The following MBD6 variants were observed in gnomAD, a reference collection of about 807,000 sequenced individuals.
The protein encoded by MBD6 is methyl-CpG binding domain protein 6.
MBD6 carries 22 observed loss-of-function variants against 66.8 expected under a neutral mutation model. The observed-to-expected ratio is 0.33, with a 90% CI of 0.24 to 0.47. The LOEUF is 0.47. Among genes scored for constraint, MBD6 ranks in the 20% least tolerant of loss-of-function variants. The pLI, the probability that MBD6 is intolerant of heterozygous loss-of-function variation, is 1.00. For missense variants in MBD6, 1,322 were observed against 1,286.9 expected (o/e 1.03, Z -0.42); for synonymous variants, 540 against 534.6 (o/e 1.01, Z -0.14).
In MBD6 at chr12:57,529,353, G is replaced by A; in HGVS notation, c.*119G>A. 1.1e-6 allele frequency: 1 copy of A among 904,476 alleles called. No homozygotes were observed. The highest frequency in any genetic ancestry group is 1.7e-6 in the Non-Finnish European group (1 of 585,442). 56.0% of individuals were successfully genotyped at this position (904,476 alleles called of 1,614,324 possible). On this transcript the variant is annotated 3_prime_UTR_variant, in exon 13 of 13. Coordinates refer to ENST00000355673, the MANE Select transcript of MBD6 (RefSeq NM_052897.4). ...GGGTGGGGGCACTACTCCCCACTCA[G>A]AGCACAAATGCAACTCCTTCCCCTA...
chr12:57,527,819 A>T, intron 8 of MBD6, 29 bp from the exon 9 acceptor site: 1 of 1,609,932 alleles, frequency 6.2e-7, no homozygotes, highest in Non-Finnish European at 8.5e-7. Context: ...TTGCCTAGGG[A>T]GAGACCCCTG....
downstream of MBD6, chr12:57,530,836 C>T: frequency 7.4e-7 from 1 of 1,356,504 alleles, no homozygotes; most frequent in Non-Finnish European, 1.1e-6. Context: ...TGGATGAGGA[C>T]CTGAAGGAAT....
upstream of MBD6, among the ~76,000 whole-genome samples, chr12:57,522,561 C>G (rs1362199659): frequency 1.0e-5 from 1 of 98,692 alleles, no homozygotes; most frequent in Non-Finnish European, 2.1e-5. Context: ...CCGCGGAGGG[C>G]GGGGGGGCCG....
chr12:57,523,875 G>A (rs932679015), intron 1 of MBD6, among the ~76,000 whole-genome samples, 154 bp from the exon 2 acceptor site: 1 of 152,216 alleles, frequency 6.6e-6, no homozygotes, highest in African/African-American at 2.4e-5. Flanking sequence ...GGCTTGGAAA[G>A]GATGGTTGTA....
chr12:57,524,858 T>A, intron 4 of MBD6, 36 bp downstream of exon 4: 1 of 1,613,608 alleles, frequency 6.2e-7, no homozygotes, highest in East Asian at 2.2e-5. Flanking sequence ...AGTACAGAGA[T>A]AAGCTAAAAG....
At position 57,529,114 on chromosome 12, in the gene MBD6, A is replaced by T; in HGVS notation, c.2938-46A>T. The T allele has an allele frequency of 1.9e-6, 3 of 1,613,220 alleles. No individual in the cohort carries two copies. In the African/African-American group the frequency reaches 4.0e-5, roughly 22 times the overall value. The stretch of plus-strand genomic sequence containing the variant: ...AGTGGGGAGAAAAGAAGACTTCCTG[A>T]TACCTAGCAATTGACCACTTCTATC... On this transcript the variant is annotated intron_variant, in intron 12 of 12. Transcript: ENST00000355673.
Position 57,525,432 on chromosome 12 carries a change from C to T in MBD6, c.464C>T (p.Thr155Ile), listed in dbSNP as rs761973432. The T allele has an allele frequency of 2.6e-6, 4 of 1,540,156 alleles. No homozygotes were observed. The highest frequency in any genetic ancestry group is 3.5e-6 in the Non-Finnish European group (4 of 1,149,238). The change falls in exon 6 of 13, where the codon ACT (threonine) becomes ATT (isoleucine). Residue 155 changes from threonine (T) to isoleucine (I), a missense_variant. Transcript: ENST00000355673. ...ARPPCRVPPT[T>I]PLNGGPGSLP... ...CCTCCCTGTCGAGTTCCTCCTACAA[C>T]TCCACTTAATGGGGGTCCTGGCTCC...
In MBD6 at chr12:57,528,270, CCA is replaced by C. The variant is rs1376219503; in HGVS notation, c.2531_2532del (p.Pro844ArgfsTer3). The C allele has an allele frequency of 6.2e-7, 1 of 1,605,088 alleles. No individual in the cohort carries two copies. The highest frequency in any genetic ancestry group is 8.5e-7 in the Non-Finnish European group (1 of 1,175,872). The stretch of plus-strand genomic sequence containing the variant: ...CCCACCCCATGGTTCTCCCGACCCC[CCA>C]GTCCCTGAGCTGCTCACTGGGAGGG... ...LAPPHGSPDP[P>X]VPELLTGRGS... On this transcript the variant is annotated frameshift_variant, in exon 10 of 13. Transcript: ENST00000355673. LOFTEE classifies it high-confidence loss of function.
At position 57,526,124 on chromosome 12, in the gene MBD6, C is replaced by T. The variant is rs370029120; in HGVS notation, c.1156C>T (p.Arg386Trp). ...LEGRGPQTPR[R>W]SRPRAPAPVP... is the part of the protein sequence containing the mutation. ...AGGGAGAGGCCCTCAAACCCCTAGA[C>T]GGAGCCGTCCTCGGGCCCCTGCTCC... The change falls in exon 6 of 13, where the codon CGG becomes TGG. Residue 386 changes from arginine to tryptophan, a missense_variant. By Grantham distance (101) the Arg-to-Trp change is moderately radical. Transcript: ENST00000355673. 96 of 1,613,940 alleles carry T rather than the reference C, an allele frequency of 5.9e-5. No individual in the cohort carries two copies. The highest frequency in any genetic ancestry group is 2.1e-4 in the South Asian group (19 of 91,088).
chr12:57,527,826 CCT>C lies in MBD6; in HGVS notation c.2237-21_2237-20del. 1.2e-6 allele frequency: 2 copies of C among 1,611,310 alleles called. No individual in the cohort carries two copies. The highest frequency in any genetic ancestry group is 8.5e-7 in the Non-Finnish European group (1 of 1,179,296). ...TAATTGGTTTGCCTAGGGAGAGACC[CCT>C]GACTATAATTTCTCAACAGGTGACC... On this transcript the variant is annotated intron_variant, in intron 8 of 12. Transcript: ENST00000355673.
intron 7 of MBD6, 136 bp from the exon 8 acceptor site, chr12:57,527,371 C>T (rs1179171875): frequency 7.4e-6 from 9 of 1,215,406 alleles, no homozygotes; most frequent in Non-Finnish European, 1.2e-6. Flanking sequence ...GGTAGGATGA[C>T]TGCAAGAATT....
At position 57,526,051 on chromosome 12, in the gene MBD6, C is replaced by T. The variant is rs765034418; in HGVS notation, c.1083C>T (p.Pro361=). The change falls in exon 6 of 13, where the codon CCC becomes CCT. Residue 361 remains proline (P), a synonymous_variant. Transcript: ENST00000355673. ...PSASHSSSLR[P]SQRRPRRPPT... ...CTTCCCACTCCTCATCACTTCGTCC[C>T]TCTCAGCGTCGTCCCCGCAGACCCC... The T allele has an allele frequency of 5.1e-5, 82 of 1,613,816 alleles. No homozygotes were observed. The highest frequency in any genetic ancestry group is 6.8e-5 in the Non-Finnish European group (80 of 1,179,936).
chr12:57,527,274 G>A (rs1879062188), intron 7 of MBD6, 47 bp downstream of exon 7: 2 of 1,261,210 alleles, frequency 1.6e-6, no homozygotes, highest in East Asian at 2.4e-5. Context: ...TGTAGAATAA[G>A]AGATGGGAGC....
chr12:57,525,006 G>A lies in MBD6; in HGVS notation c.270G>A (p.Gly90=). The A allele has an allele frequency of 6.2e-7, 1 of 1,611,570 alleles. No individual in the cohort carries two copies. Among genetic ancestry groups the A allele is most frequent in the South Asian group, 1.1e-5 (1 of 90,950 alleles). The change falls in exon 5 of 13, where the codon GGG becomes GGA. Residue 90 remains glycine, a synonymous_variant. Coordinates refer to ENST00000355673, the MANE Select transcript of MBD6 (RefSeq NM_052897.4). ...TGACCCCGGGTGGGGCTGGGGTGGG[G>A]CCAGCATCAGAGGAGGACATGACCA... ...APVTPGGAGV[G]PASEEDMTKL...
rs1459762262 is a variant in MBD6, at chr12:57,529,431, A to ACCCCC, written c.*200_*204dup. 15 of 394,994 alleles carry ACCCCC rather than the reference A, an allele frequency of 3.8e-5. No individual in the cohort carries two copies. Among genetic ancestry groups the ACCCCC allele is most frequent in the African/African-American group, 2.3e-4 (8 of 34,842 alleles). The allele number at this position is 394,994 out of a possible 1,614,324, so 24.5% of individuals were successfully genotyped here. A position where few individuals can be genotyped will look rare whatever the true frequency, so the allele number is the denominator to read the frequency against. On this transcript the variant is annotated 3_prime_UTR_variant, in exon 13 of 13. Coordinates refer to ENST00000355673, the MANE Select transcript of MBD6 (RefSeq NM_052897.4). ...GCAGGGAAGTTCACCCCCCCCCACC[A>ACCCCC]CCCCCCCGCCCCCCCGAAGCCATGT...
Position 57,527,124 on chromosome 12 carries a change from C to T in MBD6, c.1979C>T (p.Ser660Phe), listed in dbSNP as rs770477694. ...GEPFSGLGDL[S>F]PLLFPPLSAP... ...CCATTTTCAGGCTTGGGAGACCTGT[C>T]CCCCCTACTTTTCCCCCCACTTTCA... The change falls in exon 7 of 13, where the codon TCC (serine) becomes TTC (phenylalanine). Residue 660 changes from serine to phenylalanine, a missense_variant. Coordinates refer to ENST00000355673, the MANE Select transcript of MBD6 (RefSeq NM_052897.4). The T allele has an allele frequency of 2.0e-6, 3 of 1,531,266 alleles. No individual in the cohort carries two copies. The highest frequency in any genetic ancestry group is 2.7e-6 in the Non-Finnish European group (3 of 1,121,820). 94.9% of individuals were successfully genotyped at this position (1,531,266 alleles called of 1,614,324 possible).
At chr12:57,523,107 C>T in intron 1 of MBD6, 96 bp downstream of exon 1, 1 of 146,260 alleles carries the variant, frequency 6.8e-6, no homozygotes, top group Non-Finnish European at 1.5e-5. Context: ...TCCCCGGCCC[C>T]ATCCCCACTC....
Position 57,527,221 on chromosome 12 carries a change from C to A in MBD6, c.2076C>A (p.Pro692=), listed in dbSNP as rs767816477. 3.3e-6 allele frequency: 5 copies of A among 1,506,456 alleles called. No homozygotes were observed. Among genetic ancestry groups the A allele is most frequent in the Non-Finnish European group, 3.5e-6 (4 of 1,128,862 alleles). The allele number at this position is 1,506,456 out of a possible 1,614,324, so 93.3% of individuals were successfully genotyped here. ...CCCTGGATCCCCCCTCGGGGACACC[C>A]CCCCAGGTGAGGATGGGGGTGAGTA... is the stretch of plus-strand genomic sequence containing the variant. The part of the protein sequence containing the change: ...AATLDPPSGT[P]PQPCVLSAPQ... Residue 692 remains proline (P), a synonymous_variant, in exon 7 of 13, where the codon CCC becomes CCA. Coordinates refer to ENST00000355673, the MANE Select transcript of MBD6 (RefSeq NM_052897.4).
At chr12:57,521,512 T>A (rs1012647100), upstream of MBD6, 1 of 152,278 alleles carries the variant, frequency 6.6e-6, no homozygotes, top group African/African-American at 2.4e-5. Context: ...GGTGGTCTCC[T>A]GTTCTAGCCC....
Sources: gnomAD v4.1 joint callset for allele counts (sites outside exome capture counted in the v4.1 genomes callset) on GRCh38, gnomAD v4.1.1 for gene constraint, MANE v1.5 for transcripts, NCBI Gene and HGNC (gene_info 2026-07-23, HGNC 2026-07-21) for gene names.